The following CDH2 variants were observed in gnomAD, a reference collection of about 807,000 sequenced individuals.
CDH2 encodes the protein cadherin-2.
A neutral mutation model predicts 92.0 loss-of-function variants in CDH2; 17 were observed. The observed-to-expected ratio is 0.18, with a 90% confidence interval of 0.13 to 0.28. CDH2 has a LOEUF of 0.28. Among genes scored for constraint, CDH2 ranks in the 10% least tolerant of loss-of-function variants. CDH2 has a pLI of 1.00. For missense variants in CDH2, 862 were observed against 1,133.1 expected, an observed-to-expected ratio of 0.76 and a Z score of 3.44; for synonymous variants, 419 against 415.9, an observed-to-expected ratio of 1.01 and a Z score of -0.09.
chr18:28,072,750 C>T (rs2014643184), intron 2 of CDH2, among the ~76,000 whole-genome samples: 1 of 152,310 alleles, frequency 6.6e-6, no homozygotes, highest in South Asian at 2.1e-4. Flanking sequence ...AAGTAATCAA[C>T]AAAATAACCT....
intron 1 of CDH2, among the ~76,000 whole-genome samples, chr18:28,149,925 G>C (rs1439694886): frequency 6.6e-6 from 1 of 152,174 alleles, no homozygotes; most frequent in African/African-American, 2.4e-5. Context: ...TGAGAAATAA[G>C]AAGTGAGGCT....
intron 6 of CDH2, among the ~76,000 whole-genome samples, chr18:27,943,422 A>T (rs902932206): frequency 2.0e-5 from 3 of 152,212 alleles, no homozygotes; most frequent in Non-Finnish European, 4.4e-5. Flanking sequence ...ATACCTTAAT[A>T]TGTATTTCAT....
intron 4 of CDH2, among the ~76,000 whole-genome samples, chr18:28,011,400 T>C (rs2013094784): frequency 1.3e-5 from 2 of 152,182 alleles, no homozygotes; most frequent in Non-Finnish European, 2.9e-5. Context: ...TTTAAAAAAC[T>C]CTCAAATGCA....
intron 14 of CDH2, among the ~76,000 whole-genome samples, chr18:27,979,926 A>G (rs1395190956): frequency 6.6e-6 from 1 of 152,234 alleles, no homozygotes; most frequent in East Asian, 1.9e-4. Flanking sequence ...TGGTTGGGAT[A>G]AAGTCATGAG....
At chr18:27,979,312 G>C (rs977478342) in intron 14 of CDH2, among the ~76,000 whole-genome samples, 3 of 152,168 alleles carry the variant, frequency 2.0e-5, no homozygotes, top group Admixed American at 2.0e-4. Context: ...AATTTTAAAA[G>C]ACTGAAAAAA....
At chr18:28,046,858 G>A (rs1444925156) in intron 2 of CDH2, among the ~76,000 whole-genome samples, 1 of 152,138 alleles carries the variant, frequency 6.6e-6, no homozygotes, top group Non-Finnish European at 1.5e-5. Flanking sequence ...ATGTTCAATT[G>A]GAGTAATGGA....
At chr18:28,016,332 T>C (rs1431743734) in intron 2 of CDH2, among the ~76,000 whole-genome samples, 4 of 152,172 alleles carry the variant, frequency 2.6e-5, no homozygotes, top group African/African-American at 9.7e-5. Context: ...ACAGTATAAG[T>C]GCTCATTAAA....
chr18:28,108,730 T>C (rs1183577494), intron 2 of CDH2, among the ~76,000 whole-genome samples: 1 of 151,842 alleles, frequency 6.6e-6, no homozygotes, highest in Non-Finnish European at 1.5e-5. Flanking sequence ...TTACTAGCCA[T>C]TTCCTAAAGA....
chr18:27,966,922 C>A (rs1047239306), intron 14 of CDH2, among the ~76,000 whole-genome samples: 1 of 152,038 alleles, frequency 6.6e-6, no homozygotes. Context: ...GATACTTATG[C>A]CAGATATCAA....
At chr18:27,936,723 TG>T (rs1909028638) in intron 6 of CDH2, among the ~76,000 whole-genome samples, 1 of 152,120 alleles carries the variant, frequency 6.6e-6, no homozygotes, top group African/African-American at 2.4e-5. Flanking sequence ...TTTGTAGAGA[TG>T]GGGTCCCACT....
chr18:27,993,699 G>GTC, intron 7 of CDH2, 62 bp from the exon 8 acceptor site: 1 of 1,312,064 alleles, frequency 7.6e-7, no homozygotes, highest in Non-Finnish European at 1.1e-6. Context: ...CATAACAGTT[G>GTC]TTCTGTAAAC....
intron 2 of CDH2, among the ~76,000 whole-genome samples, chr18:28,130,483 T>G (rs959600377): frequency 6.6e-6 from 1 of 152,218 alleles, no homozygotes; most frequent in Admixed American, 6.5e-5. Context: ...ATTTCCGACA[T>G]AACATTCTGA....
chr18:27,990,365 G>A lies in CDH2; in HGVS notation c.1345-15C>T, dbSNP rs768038793. On this transcript the variant is annotated splice_polypyrimidine_tract_variant and intron_variant, in intron 9 of 15. Transcript: ENST00000269141. Reference sequence around the variant, plus strand: ...AAGTCGATTGGCTGGAAAATAAAAGGGAAGCCATATTTTTGCAGGAAATAA... The same window carrying A: ...AAGTCGATTGGCTGGAAAATAAAAGAGAAGCCATATTTTTGCAGGAAATAA... The A allele has an allele frequency of 6.3e-7, 1 of 1,599,464 alleles. No homozygotes were observed. Among genetic ancestry groups the A allele is most frequent in the Non-Finnish European group, 8.5e-7 (1 of 1,171,022 alleles).
intron 2 of CDH2, among the ~76,000 whole-genome samples, chr18:28,057,000 C>T (rs949371228): frequency 6.6e-6 from 1 of 152,026 alleles, no homozygotes; most frequent in Middle Eastern, 3.2e-3. Flanking sequence ...CAGAAATAAC[C>T]AAATTTCCTT....
At chr18:28,006,667 G>A (rs1006074197) in intron 5 of CDH2, among the ~76,000 whole-genome samples, 6 of 147,450 alleles carry the variant, frequency 4.1e-5, no homozygotes, top group South Asian at 2.1e-4. Context: ...GCAGTGAGCC[G>A]AGATTGTGCC....
intron 2 of CDH2, 109 bp downstream of exon 2, chr18:28,147,564 G>T: frequency 1.6e-6 from 1 of 612,950 alleles, no homozygotes; most frequent in Non-Finnish European, 2.8e-6. Context: ...TAGTGATTGT[G>T]AAAAATTCAT....
rs113124828 is a variant in CDH2 at position 28,101,021 on chromosome 18, A to C, written c.172+46652T>G. 9.2e-3 allele frequency among the ~76,000 whole-genome samples: 1,395 copies of C among 152,288 alleles called. 9 individuals are homozygous for C. Among genetic ancestry groups the C allele is most frequent in the Non-Finnish European group, 0.015 (999 of 68,002 alleles). On this transcript the variant is annotated intron_variant, in intron 2 of 15. Coordinates refer to ENST00000269141, the MANE Select transcript of CDH2 (RefSeq NM_001792.5). ...TTTAAACAATTATCAGTATTATATA[A>C]CTTGTGACCCTTCATATTTGTTCTC... is the stretch of plus-strand genomic sequence containing the variant.
At chr18:28,004,496 T>TAAA (rs2144014206) in intron 6 of CDH2, among the ~76,000 whole-genome samples, 1 of 152,344 alleles carries the variant, frequency 6.6e-6, no homozygotes, top group East Asian at 1.9e-4. Context: ...GACAGTCTTT[T>TAAA]ATTTATGGGT....
intron 14 of CDH2, among the ~76,000 whole-genome samples, 183 bp downstream of exon 14, chr18:27,982,761 A>G (rs1174745062): frequency 6.6e-6 from 1 of 151,942 alleles, no homozygotes; most frequent in African/African-American, 2.4e-5. Flanking sequence ...AATAAATACA[A>G]TGACATTTGG....
Sources: allele counts gnomAD v4.1 joint callset (sites outside exome capture counted in the v4.1 genomes callset), GRCh38; gene constraint gnomAD v4.1.1; transcripts MANE v1.5; gene names NCBI Gene and HGNC (gene_info 2026-07-23, HGNC 2026-07-21).